The following ATXN2 variants were observed in gnomAD, a reference collection of about 807,000 sequenced individuals.
The protein encoded by ATXN2 is ataxin 2, also known as ataxin-2.
ATXN2 carries 37 observed loss-of-function variants against 138.6 expected under a neutral mutation model. The ratio of observed to expected loss-of-function variants is 0.27; its 90% CI spans 0.21 to 0.35. The LOEUF (loss-of-function observed/expected upper bound fraction) is 0.35. Among genes scored for constraint, ATXN2 ranks in the 10% least tolerant of loss-of-function variants. The probability of loss-of-function intolerance (pLI) is 1.00; values close to 1 mark genes in which losing one functional copy is unlikely to be tolerated. For synonymous variants in ATXN2, 549 were observed against 543.7 expected, an observed-to-expected ratio of 1.01 and a Z score of -0.13; for missense variants, 1,216 against 1,480.3, an observed-to-expected ratio of 0.82 and a Z score of 2.93.
chr12:111,463,932 G>A lies in ATXN2; in HGVS notation c.2896+730C>T, dbSNP rs1016109557. ...CTCCCTAGTAGCTGAGATTATAGGC[G>A]CATGCCAGCATGCATGGCTGATTTT... On this transcript the variant is annotated intron_variant, in intron 21 of 24. Transcript: ENST00000673436. 5.3e-5 allele frequency among the ~76,000 whole-genome samples: 8 copies of A among 152,266 alleles called. No homozygotes were observed. The South Asian group carries it at 6.2e-4, about 12-fold the overall frequency.
At chr12:111,575,285 A>G (rs1883570716) in intron 1 of ATXN2, among the ~76,000 whole-genome samples, 1 of 152,156 alleles carries the variant, frequency 6.6e-6, no homozygotes. Context: ...TCCTGAGCTC[A>G]AGCAATCCTC....
intron 14 of ATXN2, among the ~76,000 whole-genome samples, chr12:111,499,227 C>T (rs1878604463): frequency 6.6e-6 from 1 of 152,106 alleles, no homozygotes. Context: ...AGCTTCTGCA[C>T]AGCAAAGGAA....
intron 1 of ATXN2, among the ~76,000 whole-genome samples, chr12:111,562,977 TAAC>T (rs1882784497): frequency 1.3e-5 from 2 of 152,280 alleles, no homozygotes; most frequent in South Asian, 4.1e-4. Flanking sequence ...TGATCAAAGT[TAAC>T]AACCCCAGTA....
chr12:111,481,596 T>C (rs186367678), intron 18 of ATXN2, among the ~76,000 whole-genome samples: 5 of 152,292 alleles, frequency 3.3e-5, no homozygotes, highest in African/African-American at 9.6e-5. Flanking sequence ...TTGGAAAAGT[T>C]TGGCAGTTCC....
intron 14 of ATXN2, among the ~76,000 whole-genome samples, chr12:111,489,481 C>T (rs557354380): frequency 6.6e-6 from 1 of 152,144 alleles, no homozygotes; most frequent in East Asian, 1.9e-4. Context: ...GGCATGGTGG[C>T]AGGCGCCTAT....
chr12:111,597,713 G>A (rs933813367), intron 1 of ATXN2: 1 of 584,928 alleles, frequency 1.7e-6, no homozygotes, highest in Non-Finnish European at 2.9e-6. Context: ...CTACAACCCC[G>A]GCTTAGGAGG....
intron 18 of ATXN2, among the ~76,000 whole-genome samples, chr12:111,473,141 G>A (rs1038650721): frequency 5.3e-5 from 8 of 152,020 alleles, no homozygotes; most frequent in Admixed American, 5.2e-4. Flanking sequence ...AGGCACGGTG[G>A]TGCTTGCCTG....
chr12:111,543,702 C>T (rs1298279413), intron 5 of ATXN2, among the ~76,000 whole-genome samples: 2 of 152,134 alleles, frequency 1.3e-5, no homozygotes, highest in East Asian at 3.8e-4. Context: ...TATTCACGTG[C>T]TTTGCTATCT....
chr12:111,579,037 C>CA (rs1024151742), intron 1 of ATXN2, among the ~76,000 whole-genome samples: 10 of 150,658 alleles, frequency 6.6e-5, no homozygotes, highest in East Asian at 1.9e-4. Flanking sequence ...GACCCTGCCT[C>CA]AAAAAAAAAT....
At position 111,571,157 on chromosome 12, in the gene ATXN2, G is replaced by C. The variant is rs114609162; in HGVS notation, c.252-15238C>G. Reference sequence around the variant, plus strand: ...ACGAAGTATGAAGGAGCAGGGATGCGAATACTAATTGTAAAGTCCCTGCTC... The same window carrying C: ...ACGAAGTATGAAGGAGCAGGGATGCCAATACTAATTGTAAAGTCCCTGCTC... On this transcript the variant is annotated intron_variant, in intron 1 of 24. Transcript: ENST00000673436. Among the ~76,000 whole-genome samples, 1,217 of 152,262 alleles carry C rather than the reference G, an allele frequency of 8.0e-3. 17 individuals carry two copies. Among genetic ancestry groups the C allele is most frequent in the African/African-American group, 0.028 (1,169 of 41,556 alleles).
chr12:111,489,187 T>TG (rs144580469), intron 14 of ATXN2, among the ~76,000 whole-genome samples: 15,578 of 152,214 alleles, frequency 0.1, 2,662 homozygotes, highest in African/African-American at 0.35. Flanking sequence ...GGTTTCTCAG[T>TG]AAAGTGTCAG....
At chr12:111,567,316 A>G (rs1028816936) in intron 1 of ATXN2, among the ~76,000 whole-genome samples, 9 of 151,994 alleles carry the variant, frequency 5.9e-5, no homozygotes, top group African/African-American at 2.2e-4. Flanking sequence ...CCTCACCAAT[A>G]TGGTGAAACC....
At chr12:111,588,137 TA>T (rs1884437321) in intron 1 of ATXN2, among the ~76,000 whole-genome samples, 1 of 151,492 alleles carries the variant, frequency 6.6e-6, no homozygotes, top group South Asian at 2.1e-4. Flanking sequence ...CAGTGAGCCG[TA>T]TTTGCAACAC....
rs1346667506 is a variant in ATXN2, at chr12:111,598,891, G to A, written c.144C>T (p.Pro48=). 6 of 1,500,668 alleles carry A rather than the reference G, an allele frequency of 4.0e-6. No individual in the cohort carries two copies. The highest frequency in any genetic ancestry group is 2.1e-5 in the Admixed American group (1 of 47,622). The allele number at this position is 1,500,668 out of a possible 1,614,324, so 93.0% of individuals were successfully genotyped here. Residue 48 remains proline, a synonymous_variant, in exon 1 of 25, where the codon CCC becomes CCT. Transcript: ENST00000673436. This position sits in a 1 kb window ranked among gnomAD's most constrained non-coding sequence, Gnocchi z 4.5. ...KPGGSGLLAS[P]AAAPSPSSSS... ...ACGAGGACGGCGAAGGCGCGGCGGC[G>A]GGCGACGCTAGAAGGCCGCTGCCGC...
rs1248976922 is a variant in ATXN2, at chr12:111,598,597, C to G, written c.251+187G>C. 5.1e-6 allele frequency: 5 copies of G among 977,836 alleles called. No individual in the cohort carries two copies. Among genetic ancestry groups the G allele is most frequent in the Non-Finnish European group, 4.9e-6 (4 of 822,760 alleles). 60.6% of individuals were successfully genotyped at this position (977,836 alleles called of 1,614,324 possible). A position where few individuals can be genotyped will look rare whatever the true frequency, so the allele number is the denominator to read the frequency against. ...GGGAGGCTGGACAGGCCTGACAATC[C>G]CAGAGGACCCCGGCTGCGCCCACCG... On this transcript the variant is annotated intron_variant, in intron 1 of 24. Transcript: ENST00000673436. The surrounding 1 kb of genome is among the most constrained non-coding windows in gnomAD (Gnocchi z 4.5).
At chr12:111,594,074 A>G (rs1286071332) in intron 1 of ATXN2, among the ~76,000 whole-genome samples, 1 of 152,138 alleles carries the variant, frequency 6.6e-6, no homozygotes, top group Non-Finnish European at 1.5e-5. Context: ...TTCTAATTCC[A>G]TAGCTCTTAT....
rs1176941492 is a variant in ATXN2 at position 111,470,796 on chromosome 12, A to C, written c.2525-54T>G. 5 of 1,565,404 alleles carry C rather than the reference A, an allele frequency of 3.2e-6. No homozygotes were observed. The Admixed American group carries it at 7.2e-5, about 23-fold the overall frequency. On this transcript the variant is annotated intron_variant, in intron 18 of 24. Transcript: ENST00000673436. The stretch of plus-strand genomic sequence containing the variant: ...AAACAGTATCTCCACAGCATAATAC[A>C]TGTGTTCACATGGTCTAGGAGGCTC...
chr12:111,485,365 C>T (rs1877566029), intron 17 of ATXN2, 34 bp from the exon 18 acceptor site: 2 of 1,549,768 alleles, frequency 1.3e-6, no homozygotes, highest in African/African-American at 1.4e-5. Flanking sequence ...TAACATTAGG[C>T]ACCTATGATA....
chr12:111,566,519 A>G (rs1357685862), intron 1 of ATXN2, among the ~76,000 whole-genome samples: 1 of 152,190 alleles, frequency 6.6e-6, no homozygotes, highest in Admixed American at 6.5e-5. Context: ...ATGGCAAAAT[A>G]AATTGAAAAC....
Sources: allele counts gnomAD v4.1 joint callset (sites outside exome capture counted in the v4.1 genomes callset), GRCh38; gene constraint gnomAD v4.1.1; non-coding constraint Gnocchi (gnomAD v3.1); transcripts MANE v1.5; gene names NCBI Gene and HGNC (gene_info 2026-07-23, HGNC 2026-07-21).